The following UGT1A7 variants were observed in gnomAD, a reference collection of about 807,000 sequenced individuals.
UGT1A7 encodes UDP-glucuronosyltransferase 1A7.
Under a neutral mutation model 45.6 loss-of-function variants are expected in UGT1A7, and 33 were observed. That is an observed-to-expected ratio of 0.72 (90% CI 0.55 to 0.97). The LOEUF (loss-of-function observed/expected upper bound fraction) is 0.97, where lower values mean the gene tolerates loss of function less well. Among genes scored for constraint, UGT1A7 ranks in the 50% least tolerant of loss-of-function variants. UGT1A7 has a pLI of 0.00. For synonymous variants in UGT1A7, 274 were observed against 250.6 expected (o/e 1.09, Z -0.88); for missense variants, 684 against 666.2 (o/e 1.03, Z -0.29).
chr2:233,740,218 G>C (rs908803369), intron 1 of UGT1A7, among the ~76,000 whole-genome samples: 7 of 151,840 alleles, frequency 4.6e-5, no homozygotes, highest in Non-Finnish European at 8.8e-5. Flanking sequence ...AGTCTCAGCT[G>C]CGTCTTTATA....
At chr2:233,705,126 G>T (rs2075824823) in intron 1 of UGT1A7, among the ~76,000 whole-genome samples, 1 of 119,384 alleles carries the variant, frequency 8.4e-6, no homozygotes, top group South Asian at 3.0e-4. Context: ...ACAAGAGCGA[G>T]ACTTCGTCTG....
At chr2:233,696,304 T>A (rs777870928) in intron 1 of UGT1A7, among the ~76,000 whole-genome samples, 2 of 152,196 alleles carry the variant, frequency 1.3e-5, no homozygotes, top group Non-Finnish European at 2.9e-5. Context: ...TCGTGAAATA[T>A]ATATTTGGTC....
chr2:233,686,262 T>A (rs2074780343), intron 1 of UGT1A7, among the ~76,000 whole-genome samples: 1 of 151,974 alleles, frequency 6.6e-6, no homozygotes, highest in Non-Finnish European at 1.5e-5. Flanking sequence ...TTTTTTTTTC[T>A]TGTACCAAAA....
intron 1 of UGT1A7, among the ~76,000 whole-genome samples, chr2:233,702,893 A>T (rs554426682): frequency 2.0e-5 from 3 of 152,324 alleles, no homozygotes; most frequent in Admixed American, 2.0e-4. Flanking sequence ...CATCATATCC[A>T]TAAGAGATAT....
At chr2:233,695,065 G>C (rs1177586033) in intron 1 of UGT1A7, among the ~76,000 whole-genome samples, 1 of 151,672 alleles carries the variant, frequency 6.6e-6, no homozygotes, top group Non-Finnish European at 1.5e-5. Flanking sequence ...CTGTGCTATC[G>C]CACTTTGGAC....
chr2:233,729,653 T>A, intron 1 of UGT1A7: 1 of 1,613,906 alleles, frequency 6.2e-7, no homozygotes, highest in Non-Finnish European at 8.5e-7. Context: ...TTGAGGAACA[T>A]TCCATGTGAT....
At chr2:233,713,320 T>C (rs778430084) in intron 1 of UGT1A7, 1 of 1,614,228 alleles carries the variant, frequency 6.2e-7, no homozygotes, top group Admixed American at 1.7e-5. Context: ...CTGATGAAAT[T>C]TTCTAGAAGA....
In UGT1A7 at chr2:233,772,954, T is replaced by C; in HGVS notation, c.*395T>C. 6.3e-6 allele frequency: 2 copies of C among 319,870 alleles called. No individual in the cohort carries two copies. Among genetic ancestry groups the C allele is most frequent in the Non-Finnish European group, 1.2e-5 (2 of 168,958 alleles). 19.8% of individuals were successfully genotyped at this position (319,870 alleles called of 1,614,324 possible). ...CTTATCTTTTGGCTTCTGCAGATGG[T>C]TGCAATTGATCCTTAACCAATAATG... On this transcript the variant is annotated 3_prime_UTR_variant, in exon 5 of 5. Transcript: ENST00000373426.
intron 1 of UGT1A7, chr2:233,690,853 C>T: frequency 4.7e-6 from 5 of 1,064,736 alleles, no homozygotes; most frequent in Non-Finnish European, 5.7e-6. Flanking sequence ...TTTCTAATAC[C>T]TTCTTAATTT....
chr2:233,734,912 C>G (rs2078584447), intron 1 of UGT1A7, among the ~76,000 whole-genome samples: 1 of 152,122 alleles, frequency 6.6e-6, no homozygotes, highest in Admixed American at 6.5e-5. Flanking sequence ...TTTACATTTG[C>G]TAAGGAGTGC....
chr2:233,709,836 C>T (rs1010563430), intron 1 of UGT1A7, among the ~76,000 whole-genome samples: 5 of 152,188 alleles, frequency 3.3e-5, no homozygotes, highest in African/African-American at 9.7e-5. Context: ...GCTGTGCAGC[C>T]ATCACCACAT....
At chr2:233,718,861 C>T (rs755547805) in intron 1 of UGT1A7, 3 of 1,613,854 alleles carry the variant, frequency 1.9e-6, no homozygotes, top group East Asian at 2.2e-5. Flanking sequence ...CGGCTGGCCA[C>T]AGGACTGCTG....
chr2:233,705,657 A>C (rs2075863196), intron 1 of UGT1A7, among the ~76,000 whole-genome samples: 1 of 152,176 alleles, frequency 6.6e-6, no homozygotes, highest in South Asian at 2.1e-4. Context: ...CTTCTCATAA[A>C]TTATAGTTGT....
In UGT1A7 at chr2:233,772,609, C is replaced by T; in HGVS notation, c.*50C>T. On this transcript the variant is annotated 3_prime_UTR_variant, in exon 5 of 5. Transcript: ENST00000373426. The stretch of plus-strand genomic sequence containing the variant: ...ATTTTGAACCATTCCCTAGTCATTT[C>T]CAAACTTGAAAACAGAATCAGTGTT... 1 of 1,581,700 alleles carries T rather than the reference C, an allele frequency of 6.3e-7. No homozygotes were observed. Among genetic ancestry groups the T allele is most frequent in the Non-Finnish European group, 8.6e-7 (1 of 1,163,020 alleles).
In UGT1A7 at chr2:233,772,139, G is replaced by T. The variant is rs1700470475; in HGVS notation, c.1296-123G>T. ...AAAAACAACAACAACAACAATAATA[G>T]AAACAGGTTTCCTTTCCCAAGTTTG... On this transcript the variant is annotated intron_variant, in intron 4 of 4. Coordinates refer to ENST00000373426, the MANE Select transcript of UGT1A7 (RefSeq NM_019077.3). The T allele has an allele frequency of 5.2e-6, 8 of 1,548,574 alleles. No homozygotes were observed. In the Admixed American group the frequency reaches 1.2e-4, roughly 23 times the overall value.
intron 1 of UGT1A7, chr2:233,743,987 G>T: frequency 7.8e-7 from 1 of 1,278,832 alleles, no homozygotes; most frequent in South Asian, 1.3e-5. Flanking sequence ...CCAGGCGCAG[G>T]CCCGAGTGCT....
chr2:233,707,032 A>T (rs949515079), intron 1 of UGT1A7, among the ~76,000 whole-genome samples: 1 of 152,108 alleles, frequency 6.6e-6, no homozygotes, highest in Non-Finnish European at 1.5e-5. Context: ...CCAGCCCCCA[A>T]GGTAGAGGAA....
intron 1 of UGT1A7, among the ~76,000 whole-genome samples, chr2:233,766,588 C>T (rs1357032158): frequency 3.3e-5 from 5 of 152,174 alleles, no homozygotes; most frequent in Non-Finnish European, 5.9e-5. Flanking sequence ...GGGTGGAGCC[C>T]TCGCCAGGGA....
chr2:233,719,070 T>C lies in UGT1A7; in HGVS notation c.855+36278T>C, dbSNP rs144655870. On this transcript the variant is annotated intron_variant, in intron 1 of 4. Coordinates refer to ENST00000373426, the MANE Select transcript of UGT1A7 (RefSeq NM_019077.3). The stretch of plus-strand genomic sequence containing the variant: ...CACCCTGACAGCCTATGCTGTTCCA[T>C]GGACCCAGAAGGAATTTGATCGCGT... The C allele has an allele frequency of 4.3e-6, 7 of 1,614,166 alleles. No individual in the cohort carries two copies. In the African/African-American group the frequency reaches 6.7e-5, roughly 15 times the overall value.
Sources: allele counts gnomAD v4.1 joint callset (sites outside exome capture counted in the v4.1 genomes callset), GRCh38; gene constraint gnomAD v4.1.1; transcripts MANE v1.5; gene names NCBI Gene and HGNC (gene_info 2026-07-23, HGNC 2026-07-21).